CTNNA2: variants seen among roughly 807,000 people sequenced by gnomAD.
CTNNA2 encodes catenin alpha-2.
In CTNNA2, 42 loss-of-function variants were observed where a neutral mutation model predicts 101.0. The ratio of observed to expected loss-of-function variants is 0.42; its 90% CI spans 0.32 to 0.54. CTNNA2 has a LOEUF of 0.54. CTNNA2 is among the 20% of genes least tolerant of loss of function. CTNNA2 has a pLI of 0.14. For synonymous variants in CTNNA2, 450 were observed against 456.4 expected (o/e 0.99, Z 0.18); for missense variants, 871 against 1,223.1 (o/e 0.71, Z 4.29).
chr2:79,710,983 G>A (rs937460123), intron 2 of CTNNA2, among the ~76,000 whole-genome samples: 1 of 152,178 alleles, frequency 6.6e-6, no homozygotes, highest in Non-Finnish European at 1.5e-5. Context: ...GCTGCTAGCT[G>A]AACAAGAGGA....
intron 3 of CTNNA2, among the ~76,000 whole-genome samples, chr2:79,747,378 A>G (rs866665581): frequency 4.6e-5 from 7 of 152,220 alleles, no homozygotes; most frequent in South Asian, 4.1e-4. Flanking sequence ...TGACTGCCAT[A>G]TAATAAACTG....
intron 9 of CTNNA2, among the ~76,000 whole-genome samples, chr2:80,489,198 C>T (rs1686835113): frequency 1.3e-5 from 2 of 152,146 alleles, no homozygotes; most frequent in Non-Finnish European, 2.9e-5. Flanking sequence ...CTTTTTCATA[C>T]ATTTCCCGTA....
At chr2:79,703,850 GTGAA>G (rs1156475056) in intron 2 of CTNNA2, among the ~76,000 whole-genome samples, 1 of 152,070 alleles carries the variant, frequency 6.6e-6, no homozygotes, top group Non-Finnish European at 1.5e-5. Context: ...TTGTATCATA[GTGAA>G]TGAAAGAATA....
At chr2:80,176,715 A>G (rs763854332) in intron 7 of CTNNA2, among the ~76,000 whole-genome samples, 3 of 152,132 alleles carry the variant, frequency 2.0e-5, no homozygotes, top group Non-Finnish European at 4.4e-5. Context: ...TTCCATGCAT[A>G]CTCTTCTTTA....
intron 3 of CTNNA2, among the ~76,000 whole-genome samples, chr2:79,755,653 G>T (rs986954370): frequency 6.6e-6 from 1 of 152,130 alleles, no homozygotes; most frequent in African/African-American, 2.4e-5. Flanking sequence ...CAGTATGTCT[G>T]GGGTGACCCT....
intron 3 of CTNNA2, among the ~76,000 whole-genome samples, chr2:79,371,498 T>C (rs1451425651): frequency 2.0e-5 from 3 of 152,030 alleles, no homozygotes; most frequent in Non-Finnish European, 4.4e-5. Context: ...TCTCACAACA[T>C]GTAGAACCAA....
chr2:79,830,747 G>A (rs1678866471), intron 3 of CTNNA2, among the ~76,000 whole-genome samples: 1 of 152,104 alleles, frequency 6.6e-6, no homozygotes, highest in Non-Finnish European at 1.5e-5. Context: ...AAAAGAATGG[G>A]CCTGGTGTTT....
intron 14 of CTNNA2, among the ~76,000 whole-genome samples, chr2:80,588,434 G>A (rs772682662): frequency 7.9e-5 from 12 of 152,162 alleles, no homozygotes; most frequent in Non-Finnish European, 1.5e-4. Flanking sequence ...TGCATGTCAC[G>A]CAACTCAATT....
intron 7 of CTNNA2, among the ~76,000 whole-genome samples, chr2:79,926,643 T>C (rs936757698): frequency 1.3e-5 from 2 of 152,046 alleles, no homozygotes; most frequent in Non-Finnish European, 2.9e-5. Context: ...ATAGTTATTA[T>C]AGTATAACAG....
intron 9 of CTNNA2, among the ~76,000 whole-genome samples, chr2:80,470,784 G>C (rs971516332): frequency 6.6e-6 from 1 of 152,128 alleles, no homozygotes; most frequent in Non-Finnish European, 1.5e-5. Context: ...AAGATTTTCT[G>C]ATTGTGATAA....
chr2:79,374,944 G>A (rs1677950010), intron 4 of CTNNA2, among the ~76,000 whole-genome samples: 1 of 152,098 alleles, frequency 6.6e-6, no homozygotes, highest in African/African-American at 2.4e-5. Context: ...AAATTTAAAT[G>A]CTTGAATTAT....
chr2:79,359,844 T>A (rs866848976), intron 3 of CTNNA2, among the ~76,000 whole-genome samples: 1 of 152,318 alleles, frequency 6.6e-6, no homozygotes, highest in African/African-American at 2.4e-5. Context: ...CTTGATAATC[T>A]TCTGAACCAT....
At chr2:80,172,027 A>G (rs1705092767) in intron 7 of CTNNA2, among the ~76,000 whole-genome samples, 1 of 152,214 alleles carries the variant, frequency 6.6e-6, no homozygotes, top group African/African-American at 2.4e-5. Context: ...GTGCATGTAA[A>G]GCAGCAAGGG....
intron 3 of CTNNA2, among the ~76,000 whole-genome samples, chr2:79,347,881 A>T (rs1293177566): frequency 4.6e-5 from 7 of 150,962 alleles, no homozygotes; most frequent in Non-Finnish European, 7.4e-5. Flanking sequence ...AAGGAAGAGC[A>T]TGTAATCTAG....
intron 7 of CTNNA2, among the ~76,000 whole-genome samples, chr2:80,235,880 G>A (rs948418733): frequency 5.9e-5 from 9 of 152,148 alleles, no homozygotes; most frequent in Non-Finnish European, 8.8e-5. Context: ...TGTCATGGGG[G>A]TTTGTTATAC....
At chr2:80,139,728 T>C (rs376656858) in intron 7 of CTNNA2, among the ~76,000 whole-genome samples, 6 of 152,218 alleles carry the variant, frequency 3.9e-5, no homozygotes, top group Non-Finnish European at 7.3e-5. Flanking sequence ...AAATGTATCA[T>C]GTGAAACAAC....
chr2:79,969,515 T>C (rs1213964395), intron 7 of CTNNA2, among the ~76,000 whole-genome samples: 2 of 152,224 alleles, frequency 1.3e-5, no homozygotes, highest in African/African-American at 4.8e-5. Context: ...TACAGGTTTG[T>C]TTCACCTTCC....
intron 3 of CTNNA2, among the ~76,000 whole-genome samples, chr2:79,808,072 A>G (rs1676718919): frequency 1.3e-5 from 2 of 152,174 alleles, no homozygotes. Context: ...AACTTGTAAA[A>G]CGTAGTATTT....
chr2:80,494,725 T>A (rs988688916), intron 9 of CTNNA2, among the ~76,000 whole-genome samples: 4 of 152,152 alleles, frequency 2.6e-5, no homozygotes, highest in African/African-American at 4.8e-5. Flanking sequence ...GTCTCTGTGG[T>A]GTTAAAAGAT....
Sources: allele counts gnomAD v4.1 joint callset (sites outside exome capture counted in the v4.1 genomes callset), GRCh38; gene constraint gnomAD v4.1.1; transcripts MANE v1.5; gene names NCBI Gene and HGNC (gene_info 2026-07-23, HGNC 2026-07-21).